EPHA8: variants seen among roughly 807,000 people sequenced by gnomAD.
The protein encoded by EPHA8 is ephrin type-A receptor 8.
A neutral mutation model predicts 103.6 loss-of-function variants in EPHA8; 58 were observed. That is an observed-to-expected ratio of 0.56 (90% confidence interval 0.45 to 0.70). The LOEUF (loss-of-function observed/expected upper bound fraction) is 0.70, where lower values mean the gene tolerates loss of function less well. Among genes scored for constraint, EPHA8 ranks in the 30% least tolerant of loss-of-function variants. The pLI is 0.00. For missense variants in EPHA8, 1,304 were observed against 1,395.2 expected (o/e 0.93, Z 1.04); for synonymous variants, 559 against 572.5 (o/e 0.98, Z 0.34).
In EPHA8 at chr1:22,593,317, C is replaced by A; in HGVS notation, c.1316-9C>A. The A allele has an allele frequency of 6.4e-7, 1 of 1,555,038 alleles. No homozygotes were observed. The highest frequency in any genetic ancestry group is 1.2e-5 in the South Asian group (1 of 84,810). On this transcript the variant is annotated splice_polypyrimidine_tract_variant and intron_variant, in intron 5 of 16. Coordinates refer to ENST00000166244, the MANE Select transcript of EPHA8 (RefSeq NM_020526.5). ...CCCTCCGCCCATCTGACGGGATTGG[C>A]CGCCCCAGCCCCGTCCCAGGTGGTG...
intron 5 of EPHA8, among the ~76,000 whole-genome samples, chr1:22,591,759 G>C (rs780147575): frequency 6.6e-6 from 1 of 152,078 alleles, no homozygotes; most frequent in African/African-American, 2.4e-5. Flanking sequence ...CTGCTAGGCC[G>C]TGGCCTGGCT....
intron 8 of EPHA8, among the ~76,000 whole-genome samples, chr1:22,595,895 C>T (rs950837925): frequency 6.6e-6 from 1 of 152,224 alleles, no homozygotes; most frequent in Non-Finnish European, 1.5e-5. Context: ...TTGAGGATCC[C>T]ACAGTGCTTG....
chr1:22,580,282 G>A (rs1055565652), intron 3 of EPHA8, among the ~76,000 whole-genome samples: 1 of 151,778 alleles, frequency 6.6e-6, no homozygotes, highest in African/African-American at 2.4e-5. Context: ...AGAATTACAG[G>A]TGCCCGCCAC....
chr1:22,565,361 A>C (rs1235148300), intron 1 of EPHA8, among the ~76,000 whole-genome samples: 1 of 152,014 alleles, frequency 6.6e-6, no homozygotes, highest in Non-Finnish European at 1.5e-5. Flanking sequence ...GGGTGTAACA[A>C]GGCACAGGTT....
intron 5 of EPHA8, among the ~76,000 whole-genome samples, chr1:22,591,020 C>T (rs1357984208): frequency 1.3e-5 from 2 of 151,994 alleles, no homozygotes; most frequent in Admixed American, 6.5e-5. Context: ...GAGTCCATGC[C>T]TGGACCACCA....
At position 22,600,804 on chromosome 1, in the gene EPHA8, C is replaced by G; in HGVS notation, c.2532C>G (p.Asn844Lys). The change falls in exon 14 of 17, where the codon AAC (asparagine) becomes AAG (lysine). Residue 844 changes from asparagine (N) to lysine (K), a missense_variant. By Grantham distance (94) the Asn-to-Lys change is moderately conservative. Transcript: ENST00000166244. ...AGCGGCCCTACTGGAACATGACCAA[C>G]CGGGATGTGAGTGCCAAGCCCTGGC... ...YGERPYWNMT[N>K]RDVISSVEEG... 1 of 1,606,274 alleles carries G rather than the reference C, an allele frequency of 6.2e-7. No individual in the cohort carries two copies. Among genetic ancestry groups the G allele is most frequent in the East Asian group, 2.2e-5 (1 of 44,718 alleles).
chr1:22,576,893 T>C lies in EPHA8; in HGVS notation c.823+13T>C. On this transcript the variant is annotated intron_variant, in intron 3 of 16. Coordinates refer to ENST00000166244, the MANE Select transcript of EPHA8 (RefSeq NM_020526.5). This position sits in a 1 kb window ranked among gnomAD's most constrained non-coding sequence, Gnocchi z 4.8. ...GATGCCTGTGTGGGTGAGCGCGCCA[T>C]GGCCTGGGCATGGGTCAGCCGGCAG... 2 of 1,567,650 alleles carry C rather than the reference T, an allele frequency of 1.3e-6. No individual in the cohort carries two copies. Among genetic ancestry groups the C allele is most frequent in the East Asian group, 4.5e-5 (2 of 44,324 alleles).
intron 9 of EPHA8, among the ~76,000 whole-genome samples, chr1:22,596,667 AT>A (rs545945617): frequency 1.3e-4 from 19 of 147,918 alleles, no homozygotes; most frequent in African/African-American, 2.7e-4. Context: ...ATTTTTTATT[AT>A]TTTTTTTTTC....
At chr1:22,577,571 G>A (rs1214940712) in intron 3 of EPHA8, among the ~76,000 whole-genome samples, 1 of 152,130 alleles carries the variant, frequency 6.6e-6, no homozygotes, top group African/African-American at 2.4e-5. Flanking sequence ...TGAACAGGCT[G>A]CTTCTGTTCA....
Position 22,595,205 on chromosome 1 carries a change from CCCCAACCCTGGCTTT to C in EPHA8, c.1604-21_1604-7del. On this transcript the variant is annotated splice_polypyrimidine_tract_variant and intron_variant, in intron 7 of 16. Coordinates refer to ENST00000166244, the MANE Select transcript of EPHA8 (RefSeq NM_020526.5). ...CAAGGCCAGGGCTGAGAGCCTGGTCCCCCAACCCTGGCTTTCCCCTGCAGGGCCCCGCTATGACAC... is the reference window on the plus strand; with the variant it reads ...CAAGGCCAGGGCTGAGAGCCTGGTCCCCCCTGCAGGGCCCCGCTATGACAC... The C allele has an allele frequency of 6.3e-7, 1 of 1,588,098 alleles. No homozygotes were observed. Among genetic ancestry groups the C allele is most frequent in the Non-Finnish European group, 8.6e-7 (1 of 1,160,660 alleles).
rs1398173130 is a variant in EPHA8 at position 22,601,749 on chromosome 1, C to G, written c.*8C>G. The G allele has an allele frequency of 1.3e-6, 2 of 1,551,980 alleles. No individual in the cohort carries two copies. The highest frequency in any genetic ancestry group is 2.4e-5 in the East Asian group (1 of 41,088). ...CCCCGCCGGCACCTCTGATGTACAG[C>G]CAGCAGGGCCCAGGCAGCCACCAAG... On this transcript the variant is annotated 3_prime_UTR_variant, in exon 17 of 17. Transcript: ENST00000166244.
chr1:22,583,638 T>G (rs1288966112), intron 3 of EPHA8, among the ~76,000 whole-genome samples: 2 of 152,214 alleles, frequency 1.3e-5, no homozygotes, highest in Non-Finnish European at 2.9e-5. Context: ...TGGCATGAAT[T>G]TATGTGTCTT....
chr1:22,593,350 G>A lies in EPHA8; in HGVS notation c.1340G>A (p.Arg447His), dbSNP rs774280016. The change falls in exon 6 of 17, where the codon CGT becomes CAT. Residue 447 changes from arginine to histidine, a missense_variant. Transcript: ENST00000166244. ...QAAPSQVVVI[R>H]QERAGQTSVS... The stretch of plus-strand genomic sequence containing the variant: ...GCCCCGTCCCAGGTGGTGGTGATCC[G>A]TCAAGAGCGGGCGGGGCAGACCAGC... The A allele has an allele frequency of 1.9e-5, 30 of 1,578,436 alleles. No homozygotes were observed. In the East Asian group the frequency reaches 2.8e-4, roughly 14 times the overall value.
At chr1:22,599,673 A>AGGAGGGAAGGAAGGAAAGGAG (rs1218774543) in intron 13 of EPHA8, among the ~76,000 whole-genome samples, 1 of 36,862 alleles carries the variant, frequency 2.7e-5, no homozygotes, top group Non-Finnish European at 4.4e-5. Flanking sequence ...GGAGGGAGGA[A>AGGAGGGAAGGAAGGAAAGGAG]GGAGGGAAGG....
Position 22,578,635 on chromosome 1 carries a change from GTGTA to G in EPHA8, c.823+1759_823+1762del, listed in dbSNP as rs1268349748. The stretch of plus-strand genomic sequence containing the variant: ...AGTGTATGTCTGCGTGTGTGCATGT[GTGTA>G]TGTGTATGTGTGTGCATGTGAGTGT... On this transcript the variant is annotated intron_variant, in intron 3 of 16. Coordinates refer to ENST00000166244, the MANE Select transcript of EPHA8 (RefSeq NM_020526.5). Among the ~76,000 whole-genome samples the G allele has an allele frequency of 1.9e-3, 279 of 145,924 alleles. 4 individuals are homozygous for G. The East Asian group carries it at 0.025, about 13-fold the overall frequency.
In EPHA8 at chr1:22,593,339, G is replaced by A. The variant is rs1353289119; in HGVS notation, c.1329G>A (p.Val443=). The A allele has an allele frequency of 6.4e-7, 1 of 1,573,384 alleles. No homozygotes were observed. Among genetic ancestry groups the A allele is most frequent in the Non-Finnish European group, 8.6e-7 (1 of 1,159,024 alleles). Residue 443 remains valine, a synonymous_variant, in exon 6 of 17, where the codon GTG becomes GTA. Transcript: ENST00000166244. ...ITTNQAAPSQ[V]VVIRQERAGQ... is the part of the protein sequence containing the mutation. The stretch of plus-strand genomic sequence containing the variant: ...TGGCCGCCCCAGCCCCGTCCCAGGT[G>A]GTGGTGATCCGTCAAGAGCGGGCGG...
At chr1:22,596,263 A>C in intron 9 of EPHA8, 90 bp downstream of exon 9, 15 of 1,325,310 alleles carry the variant, frequency 1.1e-5, no homozygotes, top group Non-Finnish European at 1.4e-5. Flanking sequence ...GGGAAGGAGG[A>C]AGGTGCCCAG....
At position 22,576,957 on chromosome 1, in the gene EPHA8, G is replaced by A; in HGVS notation, c.823+77G>A. 3 of 1,474,020 alleles carry A rather than the reference G, an allele frequency of 2.0e-6. No homozygotes were observed. The highest frequency in any genetic ancestry group is 2.7e-6 in the Non-Finnish European group (3 of 1,109,230). The allele number at this position is 1,474,020 out of a possible 1,614,324, so 91.3% of individuals were successfully genotyped here. ...TGGCAGGGCTGCCAGGGTGTAAGGG[G>A]GGACGTCAGAGCCCACAGGCACCTG... On this transcript the variant is annotated intron_variant, in intron 3 of 16. Transcript: ENST00000166244. The surrounding 1 kb of genome is among the most constrained non-coding windows in gnomAD (Gnocchi z 4.8).
At position 22,600,675 on chromosome 1, in the gene EPHA8, C is replaced by T. The variant is rs1201859227; in HGVS notation, c.2403C>T (p.Pro801=). 5 of 1,613,450 alleles carry T rather than the reference C, an allele frequency of 3.1e-6. No homozygotes were observed. Among genetic ancestry groups the T allele is most frequent in the African/African-American group, 1.3e-5 (1 of 75,044 alleles). Residue 801 remains proline (P), a synonymous_variant, in exon 14 of 17, where the codon CCC becomes CCT. Transcript: ENST00000166244. ...GTCCGTCGCAGGGCGGGAAGATCCC[C>T]ATCCGCTGGACGGCCCCAGAGGCCA... ...AAYTTTGGKI[P]IRWTAPEAIA...
Sources: gnomAD v4.1 joint callset for allele counts (sites outside exome capture counted in the v4.1 genomes callset) on GRCh38, gnomAD v4.1.1 for gene constraint, Gnocchi (gnomAD v3.1) non-coding constraint, MANE v1.5 for transcripts, NCBI Gene and HGNC (gene_info 2026-07-23, HGNC 2026-07-21) for gene names.